Variants in PAQR8 observed in about 807,000 individuals in gnomAD.
The protein encoded by PAQR8 is progestin and adipoQ receptor family member 8.
In PAQR8, 17 loss-of-function variants were observed where a neutral mutation model predicts 25.2. The ratio of observed to expected loss-of-function variants is 0.67; its 90% CI spans 0.46 to 1.01. The LOEUF is 1.01. Ranked by LOEUF, PAQR8 falls within the 50% of genes least tolerant of loss-of-function variation. PAQR8 has a pLI of 0.00. For synonymous variants in PAQR8, 204 were observed against 190.6 expected, an observed-to-expected ratio of 1.07 and a Z score of -0.58; for missense variants, 392 against 448.4, an observed-to-expected ratio of 0.87 and a Z score of 1.14.
At chr6:52,393,333 C>CTCTT (rs774890184) in intron 1 of PAQR8, among the ~76,000 whole-genome samples, 23 of 111,178 alleles carry the variant, frequency 2.1e-4, no homozygotes, top group African/African-American at 6.6e-4. Context: ...CTTTCTCTCT[C>CTCTT]TTTTTTTTTT....
Position 52,403,270 on chromosome 6 carries a change from G to A in PAQR8, c.57G>A (p.Leu19=). Residue 19 remains leucine (L), a synonymous_variant, in exon 2 of 2, where the codon CTG becomes CTA. Coordinates refer to ENST00000442253, the MANE Select transcript of PAQR8 (RefSeq NM_133367.5). ...CCCTGTCGGTCAGCGGGCAGCAGCT[G>A]CGCCGCCTGCCCAAGATCCTGGAGG... The part of the protein sequence containing the change: ...LSTLSVSGQQ[L]RRLPKILEDG... 6.2e-7 allele frequency: 1 copy of A among 1,612,266 alleles called. No individual in the cohort carries two copies. The highest frequency in any genetic ancestry group is 1.1e-5 in the South Asian group (1 of 91,044).
intron 1 of PAQR8, among the ~76,000 whole-genome samples, chr6:52,370,992 C>G (rs1486830693): frequency 6.6e-6 from 1 of 152,060 alleles, no homozygotes; most frequent in Non-Finnish European, 1.5e-5. Flanking sequence ...TTACTATATG[C>G]TTGGTTGGCA....
rs1335607481 is a variant in PAQR8, at chr6:52,362,378, C to G, written c.-53+129C>G. 6.6e-6 allele frequency: 1 copy of G among 152,304 alleles called. No individual in the cohort carries two copies. Among genetic ancestry groups the G allele is most frequent in the East Asian group, 1.9e-4 (1 of 5,192 alleles). The allele number at this position is 152,304 out of a possible 1,614,324, so 9.4% of individuals were successfully genotyped here. ...CGCGGCGTTGGGGAGTCCTCGCACC[C>G]CGAGCTCAGAGGGGAGGTCCAGAGT... On this transcript the variant is annotated intron_variant, in intron 1 of 1. Coordinates refer to ENST00000442253, the MANE Select transcript of PAQR8 (RefSeq NM_133367.5). The surrounding 1 kb of genome is among the most constrained non-coding windows in gnomAD (Gnocchi z 4.1).
chr6:52,385,648 C>T (rs1191036348), intron 1 of PAQR8, among the ~76,000 whole-genome samples: 6 of 152,104 alleles, frequency 3.9e-5, no homozygotes, highest in South Asian at 2.1e-4. Flanking sequence ...CTTTGGGGGG[C>T]AAGGTGGGTA....
chr6:52,382,687 A>T (rs1763575398), intron 1 of PAQR8, among the ~76,000 whole-genome samples: 1 of 152,210 alleles, frequency 6.6e-6, no homozygotes, highest in Non-Finnish European at 1.5e-5. Flanking sequence ...ATAATTTCAA[A>T]ATGTTTTCAT....
chr6:52,379,615 C>A (rs1391703820), intron 1 of PAQR8, among the ~76,000 whole-genome samples: 2 of 100,502 alleles, frequency 2.0e-5, no homozygotes, highest in Non-Finnish European at 4.1e-5. Context: ...CCACACCCAG[C>A]TTTCTTTTTT....
At chr6:52,400,375 C>T (rs1248497083) in intron 1 of PAQR8, among the ~76,000 whole-genome samples, 1 of 152,222 alleles carries the variant, frequency 6.6e-6, no homozygotes, top group African/African-American at 2.4e-5. Flanking sequence ...CTTTGTTAAA[C>T]ACTTTACAGC....
chr6:52,373,261 A>T (rs1027567261), intron 1 of PAQR8, among the ~76,000 whole-genome samples: 10 of 152,252 alleles, frequency 6.6e-5, no homozygotes, highest in African/African-American at 2.4e-4. Context: ...AATGGATTCT[A>T]TTAGGGCAGC....
chr6:52,395,441 A>C (rs1314107314), intron 1 of PAQR8, among the ~76,000 whole-genome samples: 2 of 152,168 alleles, frequency 1.3e-5, no homozygotes, highest in Non-Finnish European at 2.9e-5. Flanking sequence ...AAAATCCTTA[A>C]AGGAGATAGG....
At chr6:52,379,096 C>CAAAA (rs70977347) in intron 1 of PAQR8, among the ~76,000 whole-genome samples, 20 of 92,976 alleles carry the variant, frequency 2.2e-4, no homozygotes, top group South Asian at 3.7e-4. Flanking sequence ...TACTCTTTAT[C>CAAAA]AAAAAAAAAA....
At chr6:52,385,461 T>C (rs1168132130) in intron 1 of PAQR8, among the ~76,000 whole-genome samples, 1 of 152,048 alleles carries the variant, frequency 6.6e-6, no homozygotes, top group East Asian at 1.9e-4. Context: ...TTCAAGAAAA[T>C]CTAGGAAGTA....
intron 1 of PAQR8, among the ~76,000 whole-genome samples, chr6:52,389,366 A>C (rs1763670299): frequency 6.6e-6 from 1 of 152,216 alleles, no homozygotes; most frequent in Non-Finnish European, 1.5e-5. Context: ...TGCTGATAGA[A>C]ATAAAGCATA....
Position 52,403,288 on chromosome 6 carries a change from C to A in PAQR8, c.75C>A (p.Ile25=). Residue 25 remains isoleucine, a synonymous_variant, in exon 2 of 2, where the codon ATC becomes ATA. Coordinates refer to ENST00000442253, the MANE Select transcript of PAQR8 (RefSeq NM_133367.5). ...SGQQLRRLPK[I]LEDGLPKMPC... The stretch of plus-strand genomic sequence containing the variant: ...AGCAGCTGCGCCGCCTGCCCAAGAT[C>A]CTGGAGGATGGGCTTCCCAAGATGC... The A allele has an allele frequency of 1.2e-6, 2 of 1,613,852 alleles. No individual in the cohort carries two copies. The highest frequency in any genetic ancestry group is 1.7e-6 in the Non-Finnish European group (2 of 1,179,806).
Position 52,404,276 on chromosome 6 carries a change from T to C in PAQR8, c.1063T>C (p.Ter355ArgextTer19), listed in dbSNP as rs1312992120. 1.9e-6 allele frequency: 3 copies of C among 1,583,446 alleles called. No homozygotes were observed. Among genetic ancestry groups the C allele is most frequent in the Non-Finnish European group, 2.6e-6 (3 of 1,157,612 alleles). Residue 355 changes from the stop codon to arginine (R), a stop_lost, in exon 2 of 2, where the codon TGA becomes CGA. Transcript: ENST00000442253. ...GGCCAGACTGACCAAGAAAGATTCC[T>C]GAGGCTGGCAAGTGGGGCAACGTGT... The part of the protein sequence containing the change: ...VKARLTKKDS[*>R]
intron 1 of PAQR8, among the ~76,000 whole-genome samples, chr6:52,387,478 A>G (rs536968300): frequency 6.6e-6 from 1 of 152,366 alleles, no homozygotes; most frequent in Admixed American, 6.5e-5. Context: ...CTCACAATCA[A>G]GTAACACAAG....
chr6:52,393,225 G>A (rs1763729555), intron 1 of PAQR8, among the ~76,000 whole-genome samples: 1 of 151,736 alleles, frequency 6.6e-6, no homozygotes, highest in Non-Finnish European at 1.5e-5. Flanking sequence ...GTCAGGTATT[G>A]TTGGGAAGTT....
At chr6:52,373,052 A>G (rs1159857195) in intron 1 of PAQR8, among the ~76,000 whole-genome samples, 1 of 152,194 alleles carries the variant, frequency 6.6e-6, no homozygotes, top group Non-Finnish European at 1.5e-5. Flanking sequence ...CATGGTTGCT[A>G]CCAGACCCCA....
chr6:52,373,026 G>A (rs1763438405), intron 1 of PAQR8, among the ~76,000 whole-genome samples: 1 of 152,154 alleles, frequency 6.6e-6, no homozygotes. Flanking sequence ...AGCCCATCTT[G>A]TTTACTGCCA....
Position 52,403,187 on chromosome 6 carries a change from G to A in PAQR8, c.-27G>A, listed in dbSNP as rs372154133. ...GTTGCATACCCTGTCCTGAGGGCGC[G>A]GCACGGAGTGCATGCGGGCCGCTGC... On this transcript the variant is annotated 5_prime_UTR_variant, in exon 2 of 2. Coordinates refer to ENST00000442253, the MANE Select transcript of PAQR8 (RefSeq NM_133367.5). The A allele has an allele frequency of 1.2e-5, 19 of 1,574,734 alleles. No homozygotes were observed. The African/African-American group carries it at 1.6e-4, about 13-fold the overall frequency.
Sources: gnomAD v4.1 joint callset for allele counts (sites outside exome capture counted in the v4.1 genomes callset) on GRCh38, gnomAD v4.1.1 for gene constraint, Gnocchi (gnomAD v3.1) non-coding constraint, MANE v1.5 for transcripts, NCBI Gene and HGNC (gene_info 2026-07-23, HGNC 2026-07-21) for gene names.